Variants in SETBP1 observed in about 807,000 individuals in gnomAD.
SETBP1 encodes the protein SET binding protein 1.
A neutral mutation model predicts 101.0 loss-of-function variants in SETBP1; 9 were observed. The ratio of observed to expected loss-of-function variants is 0.09; its 90% confidence interval spans 0.05 to 0.16. SETBP1 has a LOEUF of 0.16. SETBP1 is among the 10% of genes least tolerant of loss of function. The probability of loss-of-function intolerance (pLI) is 1.00; values close to 1 mark genes in which losing one functional copy is unlikely to be tolerated. For missense variants in SETBP1, 1,858 were observed against 2,033.8 expected (o/e 0.91, Z 1.66); for synonymous variants, 818 against 788.5 (o/e 1.04, Z -0.63).
Position 44,953,326 on chromosome 18 carries a change from C to A in SETBP1, c.3986C>A (p.Ser1329Tyr). The part of the protein sequence containing the change: ...MNRKERSSYD[S>Y]SMSPGMPSPH... ...CGCAAGGAGAGAAGTTCTTATGACT[C>A]CTCCATGTCTCCAGGTAAGGCTGTT... Residue 1329 changes from serine to tyrosine, a missense_variant, in exon 4 of 6, where the codon TCC becomes TAC. By Grantham distance (144) the Ser-to-Tyr change is moderately radical (BLOSUM62 -2). Coordinates refer to ENST00000649279, the MANE Select transcript of SETBP1 (RefSeq NM_015559.3). 2 of 1,613,580 alleles carry A rather than the reference C, an allele frequency of 1.2e-6. No homozygotes were observed. The highest frequency in any genetic ancestry group is 1.7e-6 in the Non-Finnish European group (2 of 1,179,788).
At chr18:44,807,279 C>T (rs2144809532) in intron 2 of SETBP1, among the ~76,000 whole-genome samples, 1 of 152,158 alleles carries the variant, frequency 6.6e-6, no homozygotes, top group Non-Finnish European at 1.5e-5. Flanking sequence ...AAGTTTACGG[C>T]CACTGATTTC....
In SETBP1 at chr18:45,000,898, G is replaced by A. The variant is rs143234034; in HGVS notation, c.4001-37587G>A. On this transcript the variant is annotated intron_variant, in intron 4 of 5. Coordinates refer to ENST00000649279, the MANE Select transcript of SETBP1 (RefSeq NM_015559.3). ...CGCCTTAAAAGCAGTACTGAGTTAC[G>A]AAGACAGCCTAAGCAATAAAGATGA... Among the ~76,000 whole-genome samples, 9 of 151,688 alleles carry A rather than the reference G, an allele frequency of 5.9e-5. No individual in the cohort carries two copies. The East Asian group carries it at 7.8e-4, about 13-fold the overall frequency.
In SETBP1 at chr18:44,950,105, G is replaced by A. The variant is rs766021423; in HGVS notation, c.765G>A (p.Glu255=). 18 of 1,613,966 alleles carry A rather than the reference G, an allele frequency of 1.1e-5. No homozygotes were observed. Among genetic ancestry groups the A allele is most frequent in the Middle Eastern group, 1.6e-4 (1 of 6,084 alleles). The part of the protein sequence containing the change: ...TASTSKIPAL[E]PVASFAKAQG... ...GCACCAGCAAGATCCCCGCTCTTGA[G>A]CCCGTGGCTTCCTTTGCAAAGGCCC... is the stretch of plus-strand genomic sequence containing the variant. The change falls in exon 4 of 6, where the codon GAG becomes GAA. Residue 255 remains glutamate, a synonymous_variant. Coordinates refer to ENST00000649279, the MANE Select transcript of SETBP1 (RefSeq NM_015559.3).
intron 3 of SETBP1, among the ~76,000 whole-genome samples, chr18:44,929,450 A>G (rs959871096): frequency 1.9e-4 from 29 of 152,120 alleles, no homozygotes; most frequent in Admixed American, 1.3e-3. Flanking sequence ...ACTTTAAAGT[A>G]GTTTTTTCCA....
intron 2 of SETBP1, among the ~76,000 whole-genome samples, chr18:44,718,920 T>A (rs556599677): frequency 6.6e-6 from 1 of 152,260 alleles, no homozygotes; most frequent in Non-Finnish European, 1.5e-5. Flanking sequence ...CCGATTAATT[T>A]GACTGAGTAA....
intron 5 of SETBP1, among the ~76,000 whole-genome samples, chr18:45,056,282 G>C (rs890838802): frequency 2.0e-5 from 3 of 152,026 alleles, no homozygotes; most frequent in Non-Finnish European, 4.4e-5. Context: ...TAAAATTACC[G>C]TGTGGGCTGG....
At chr18:44,774,316 T>C (rs1325912495) in intron 2 of SETBP1, among the ~76,000 whole-genome samples, 1 of 152,086 alleles carries the variant, frequency 6.6e-6, no homozygotes, top group Non-Finnish European at 1.5e-5. Flanking sequence ...TTTCTGACCT[T>C]GATCCTTGGA....
intron 2 of SETBP1, among the ~76,000 whole-genome samples, chr18:44,816,591 C>T (rs182808483): frequency 3.3e-5 from 5 of 152,298 alleles, no homozygotes; most frequent in African/African-American, 1.2e-4. Context: ...TTTCTGTGCA[C>T]ACCAGAGCAT....
chr18:44,744,376 G>A (rs1053483594), intron 2 of SETBP1, among the ~76,000 whole-genome samples: 7 of 152,268 alleles, frequency 4.6e-5, no homozygotes, highest in African/African-American at 1.7e-4. Flanking sequence ...GAATGGGGCA[G>A]ATGAGTACCC....
rs200002988 is a variant in SETBP1 at position 45,063,146 on chromosome 18, G to T, written c.4239G>T (p.Lys1413Asn). 3 of 1,614,012 alleles carry T rather than the reference G, an allele frequency of 1.9e-6. No individual in the cohort carries two copies. The highest frequency in any genetic ancestry group is 2.5e-6 in the Non-Finnish European group (3 of 1,180,018). ...AAGCCATCCAGTGCGAAGTGCGGAA[G>T]ATGTGCAACTACACCAAGATCCTGT... ...EIEAIQCEVR[K>N]MCNYTKILST... Residue 1413 changes from lysine to asparagine, a missense_variant, in exon 6 of 6, where the codon AAG becomes AAT. Lys to Asn is a moderately conservative substitution (Grantham distance 94). Transcript: ENST00000649279.
chr18:44,757,003 T>A (rs2070511478), intron 2 of SETBP1, among the ~76,000 whole-genome samples: 1 of 152,212 alleles, frequency 6.6e-6, no homozygotes, highest in African/African-American at 2.4e-5. Context: ...CTAAATTTAT[T>A]TGACAAAAGG....
intron 3 of SETBP1, 49 bp downstream of exon 3, chr18:44,869,332 A>G (rs747651384): frequency 1.1e-5 from 18 of 1,572,146 alleles, no homozygotes; most frequent in South Asian, 1.1e-5. Flanking sequence ...AAAATGATCC[A>G]GAGTTTGGTT....
rs1375119504 is a variant in SETBP1 at position 45,063,500 on chromosome 18, G to T, written c.4593G>T (p.Pro1531=). 10 of 1,093,650 alleles carry T rather than the reference G, an allele frequency of 9.1e-6. No individual in the cohort carries two copies. Among genetic ancestry groups the T allele is most frequent in the Non-Finnish European group, 1.1e-5 (10 of 882,984 alleles). The allele number at this position is 1,093,650 out of a possible 1,614,324, so 67.7% of individuals were successfully genotyped here. A position where few individuals can be genotyped will look rare whatever the true frequency, so the allele number is the denominator to read the frequency against. The change falls in exon 6 of 6, where the codon CCG becomes CCT. Residue 1531 remains proline (P), a synonymous_variant. Transcript: ENST00000649279. ...CCCCGCCACCGCCGCCGCCCCTGCC[G>T]CCACCGCCGCCACCACCCCTGCCCC... is the stretch of plus-strand genomic sequence containing the variant. ...PLPPPPPPPL[P]PPPPPPLPPP...
At chr18:44,842,651 A>C (rs561422600) in intron 2 of SETBP1, among the ~76,000 whole-genome samples, 1 of 152,188 alleles carries the variant, frequency 6.6e-6, no homozygotes, top group Non-Finnish European at 1.5e-5. Context: ...AAGGGAACCC[A>C]CTACAGCTTA....
intron 3 of SETBP1, among the ~76,000 whole-genome samples, chr18:44,872,530 C>A (rs148412904): frequency 6.6e-6 from 1 of 152,328 alleles, no homozygotes; most frequent in East Asian, 1.9e-4. Context: ...CATTTACTAC[C>A]CCCTCTTGCT....
At chr18:44,966,298 T>A (rs1294934205) in intron 4 of SETBP1, among the ~76,000 whole-genome samples, 2 of 152,144 alleles carry the variant, frequency 1.3e-5, no homozygotes, top group East Asian at 1.9e-4. Flanking sequence ...CTGCTAAATC[T>A]CCTCCTTATC....
chr18:44,772,420 C>G (rs2070893846), intron 2 of SETBP1, among the ~76,000 whole-genome samples: 1 of 152,186 alleles, frequency 6.6e-6, no homozygotes, highest in South Asian at 2.1e-4. Flanking sequence ...GAGAACGCAT[C>G]CCCTCCTTTG....
At chr18:44,910,774 G>T (rs936469410) in intron 3 of SETBP1, among the ~76,000 whole-genome samples, 2 of 152,098 alleles carry the variant, frequency 1.3e-5, no homozygotes, top group Admixed American at 6.6e-5. Flanking sequence ...GTTAATAGTG[G>T]GTAGGGTTGT....
At chr18:44,879,216 A>G (rs1466949247) in intron 3 of SETBP1, among the ~76,000 whole-genome samples, 2 of 152,252 alleles carry the variant, frequency 1.3e-5, no homozygotes, top group Admixed American at 6.5e-5. Context: ...TGTATCCAGT[A>G]TCAAGCACAG....
Sources: allele counts gnomAD v4.1 joint callset (sites outside exome capture counted in the v4.1 genomes callset), GRCh38; gene constraint gnomAD v4.1.1; transcripts MANE v1.5; gene names NCBI Gene and HGNC (gene_info 2026-07-23, HGNC 2026-07-21).